MYOM3: variants seen among roughly 807,000 people sequenced by gnomAD.
MYOM3 encodes myomesin 3, also known as myomesin-3.
Under a neutral mutation model 191.7 loss-of-function variants are expected in MYOM3, and 155 were observed. That is an observed-to-expected ratio of 0.81 (90% CI 0.71 to 0.92). The LOEUF (loss-of-function observed/expected upper bound fraction) is 0.92. Among genes scored for constraint, MYOM3 ranks in the 40% least tolerant of loss-of-function variants. The probability of loss-of-function intolerance (pLI) is 0.00; values close to 1 mark genes in which losing one functional copy is unlikely to be tolerated. For synonymous variants in MYOM3, 757 were observed against 762.9 expected, an observed-to-expected ratio of 0.99 and a Z score of 0.13; for missense variants, 1,889 against 1,890.6, an observed-to-expected ratio of 1.00 and a Z score of 0.02.
chr1:24,085,738 C>A (rs1643730364), intron 15 of MYOM3, among the ~76,000 whole-genome samples: 1 of 152,150 alleles, frequency 6.6e-6, no homozygotes, highest in Non-Finnish European at 1.5e-5. Context: ...ACTAATTGCT[C>A]ACTGGCCAGG....
intron 1 of MYOM3, among the ~76,000 whole-genome samples, chr1:24,109,972 G>C (rs974914450): frequency 2.0e-5 from 3 of 152,374 alleles, no homozygotes; most frequent in Admixed American, 1.3e-4. Context: ...GGCCGGATCA[G>C]ATTGACCCAG....
intron 32 of MYOM3, among the ~76,000 whole-genome samples, chr1:24,062,722 G>C (rs571806693): frequency 1.3e-5 from 2 of 152,228 alleles, no homozygotes; most frequent in Admixed American, 6.5e-5. Flanking sequence ...AGTTTGCTAA[G>C]TCTGCAGAGG....
intron 35 of MYOM3, 46 bp downstream of exon 35, chr1:24,061,014 G>A: frequency 1.2e-6 from 2 of 1,612,216 alleles, no homozygotes; most frequent in Non-Finnish European, 1.7e-6. Flanking sequence ...CAGGAAGTTT[G>A]CCCCAAATTC....
Position 24,108,627 on chromosome 1 carries a change from G to A in MYOM3, c.10C>T (p.Pro4Ser). The A allele has an allele frequency of 2.6e-6, 4 of 1,558,714 alleles. No individual in the cohort carries two copies. Among genetic ancestry groups the A allele is most frequent in the Non-Finnish European group, 3.5e-6 (4 of 1,154,030 alleles). Residue 4 changes from proline to serine, a missense_variant, in exon 2 of 37, where the codon CCG becomes TCG. Transcript: ENST00000374434. ...TCCCCCGCACCTCCCAAGCTGTGCG[G>A]CAGAGTCATGGTTACGAGAGCAACA... Reference protein sequence around the residue: MTLPHSLGGAGDPR... With the variant: MTLSHSLGGAGDPR...
At chr1:24,078,123 A>ATT (rs34824932) in intron 20 of MYOM3, among the ~76,000 whole-genome samples, 9,941 of 145,856 alleles carry the variant, frequency 0.068, 1,002 homozygotes, top group African/African-American at 0.22. Context: ...ATTTTTAGAG[A>ATT]TTTTTTTTTT....
At chr1:24,105,520 C>A (rs1055387043) in intron 5 of MYOM3, among the ~76,000 whole-genome samples, 15 of 152,226 alleles carry the variant, frequency 9.9e-5, no homozygotes, top group Non-Finnish European at 2.1e-4. Context: ...CTCATGAGAC[C>A]AGAATCATAT....
chr1:24,059,073 CT>C (rs1643337525), intron 35 of MYOM3, 94 bp from the exon 36 acceptor site: 1 of 807,656 alleles, frequency 1.2e-6, no homozygotes, highest in East Asian at 2.6e-5. Flanking sequence ...TTAAGCAAGG[CT>C]TCTTTTTTTT....
Position 24,082,744 on chromosome 1 carries a change from T to A in MYOM3, c.1971-30A>T, listed in dbSNP as rs370031755. ...GAGAGAAATGTGCAGCTTTCATGGATGTACAAACAGCCTGGAGACATTCCC... is the reference window on the plus strand; with the variant it reads ...GAGAGAAATGTGCAGCTTTCATGGAAGTACAAACAGCCTGGAGACATTCCC... On this transcript the variant is annotated intron_variant, in intron 16 of 36. Transcript: ENST00000374434. 3.2e-6 allele frequency: 5 copies of A among 1,564,916 alleles called. 1 individual carries two copies. The East Asian group carries it at 1.2e-4, about 37-fold the overall frequency.
intron 33 of MYOM3, 46 bp downstream of exon 33, chr1:24,061,900 G>A: frequency 6.2e-7 from 1 of 1,610,054 alleles, no homozygotes; most frequent in South Asian, 1.1e-5. Context: ...ACTGTCCATG[G>A]GATTTTCTAA....
chr1:24,080,973 G>A (rs1188920804), intron 19 of MYOM3, among the ~76,000 whole-genome samples: 2 of 152,208 alleles, frequency 1.3e-5, no homozygotes, highest in Non-Finnish European at 2.9e-5. Flanking sequence ...GGGATTTTCA[G>A]TAGGAAACTG....
chr1:24,098,013 T>G lies in MYOM3; in HGVS notation c.657-2A>C, dbSNP rs1313057891. 1 of 1,604,478 alleles carries G rather than the reference T, an allele frequency of 6.2e-7. No individual in the cohort carries two copies. Among genetic ancestry groups the G allele is most frequent in the Admixed American group, 1.7e-5 (1 of 60,006 alleles). On this transcript the variant is annotated splice_acceptor_variant, in intron 6 of 36. Transcript: ENST00000374434. LOFTEE classifies it high-confidence loss of function. Reference sequence around the variant, plus strand: ...GTTGCTGAGTCCTCAATGGCGCATCTGAAAAGGAGAGAGGGAGAAGTTCCT... The same window carrying G: ...GTTGCTGAGTCCTCAATGGCGCATCGGAAAAGGAGAGAGGGAGAAGTTCCT...
In MYOM3 at chr1:24,061,989, T is replaced by C. The variant is rs1215701395; in HGVS notation, c.3891A>G (p.Ala1297=). 72 of 1,614,124 alleles carry C rather than the reference T, an allele frequency of 4.5e-5. No individual in the cohort carries two copies. Among genetic ancestry groups the C allele is most frequent in the Non-Finnish European group, 5.9e-5 (70 of 1,180,048 alleles). Residue 1297 remains alanine (A), a synonymous_variant, in exon 33 of 37, where the codon GCA becomes GCG. Coordinates refer to ENST00000374434, the MANE Select transcript of MYOM3 (RefSeq NM_152372.4). ...DKGKYTLEIA[A]GKEVRQLSTD... ...TTGAGAGCTGCCGGACTTCCTTCCCTGCAGCTATTTCCAGAGTGTATTTGC... is the reference window on the plus strand; with the variant it reads ...TTGAGAGCTGCCGGACTTCCTTCCCCGCAGCTATTTCCAGAGTGTATTTGC...
chr1:24,068,112 G>A (rs1279107749), intron 26 of MYOM3, 83 bp from the exon 27 acceptor site: 2 of 1,581,194 alleles, frequency 1.3e-6, no homozygotes, highest in Non-Finnish European at 1.7e-6. Flanking sequence ...AGAAGTCGAG[G>A]GGGCTGTGCT....
rs202220940 is a variant in MYOM3 at position 24,080,206 on chromosome 1, G to C, written c.2408-12C>G. On this transcript the variant is annotated splice_polypyrimidine_tract_variant and intron_variant, in intron 19 of 36. Transcript: ENST00000374434. ...ATCGTACGGGGGGCCTGTGACAAGT[G>C]AGAGATGGGAAGAGATGTGTGAGTT... 6.2e-7 allele frequency: 1 copy of C among 1,601,422 alleles called. No homozygotes were observed. Among genetic ancestry groups the C allele is most frequent in the Non-Finnish European group, 8.5e-7 (1 of 1,173,150 alleles).
At chr1:24,099,805 A>T (rs1247891835) in intron 5 of MYOM3, 30 bp from the exon 6 acceptor site, 1 of 1,571,192 alleles carries the variant, frequency 6.4e-7, no homozygotes, top group Non-Finnish European at 8.8e-7. Context: ...TGTGGCAGGC[A>T]GGGTGGTTCT....
Position 24,087,478 on chromosome 1 carries a change from C to T in MYOM3, c.1615-651G>A, listed in dbSNP as rs1643764432. Among the ~76,000 whole-genome samples, 1 of 152,216 alleles carries T rather than the reference C, an allele frequency of 6.6e-6. No homozygotes were observed. Among genetic ancestry groups the T allele is most frequent in the Admixed American group, 6.5e-5 (1 of 15,290 alleles). On this transcript the variant is annotated intron_variant, in intron 14 of 36. Coordinates refer to ENST00000374434, the MANE Select transcript of MYOM3 (RefSeq NM_152372.4). The surrounding 1 kb of genome is among the most constrained non-coding windows in gnomAD (Gnocchi z 4.5). ...CGCCTGACCCCTCGGCCTGTCTGGC[C>T]ACCGTTCCCTCTGCCCTTAGTCTCT...
intron 5 of MYOM3, among the ~76,000 whole-genome samples, chr1:24,105,375 G>C (rs1373245589): frequency 1.3e-5 from 2 of 152,174 alleles, no homozygotes; most frequent in African/African-American, 4.8e-5. Context: ...CTACAGGCGT[G>C]AGCTCCTTCT....
chr1:24,082,875 G>A (rs371697047), intron 16 of MYOM3, 161 bp from the exon 17 acceptor site: 2 of 783,858 alleles, frequency 2.6e-6, no homozygotes, highest in African/African-American at 3.6e-5. Flanking sequence ...CCATGGCAAT[G>A]CCTGAGATGA....
At chr1:24,101,124 A>T (rs887369613) in intron 5 of MYOM3, among the ~76,000 whole-genome samples, 6 of 152,066 alleles carry the variant, frequency 3.9e-5, no homozygotes, top group Non-Finnish European at 8.8e-5. Context: ...GCTCCTGATG[A>T]CACCCTTTGC....
Sources: allele counts gnomAD v4.1 joint callset (sites outside exome capture counted in the v4.1 genomes callset), GRCh38; gene constraint gnomAD v4.1.1; non-coding constraint Gnocchi (gnomAD v3.1); transcripts MANE v1.5; gene names NCBI Gene and HGNC (gene_info 2026-07-23, HGNC 2026-07-21).